Variants in ZNF286A observed in about 807,000 individuals in gnomAD.
The protein encoded by ZNF286A is zinc finger protein ZNF286.
ZNF286A carries 34 observed loss-of-function variants against 49.3 expected under a neutral mutation model. That is an observed-to-expected ratio of 0.69 (90% confidence interval 0.52 to 0.92). The LOEUF (loss-of-function observed/expected upper bound fraction) is 0.92, where lower values mean the gene tolerates loss of function less well. Ranked by LOEUF, ZNF286A falls within the 40% of genes least tolerant of loss-of-function variation. The pLI is 0.00. For synonymous variants in ZNF286A, 155 were observed against 200.4 expected (o/e 0.77, Z 1.91); for missense variants, 462 against 600.2 (o/e 0.77, Z 2.41).
At chr17:15,710,212 T>C (rs1348723193) in intron 5 of ZNF286A, among the ~76,000 whole-genome samples, 1 of 152,186 alleles carries the variant, frequency 6.6e-6, no homozygotes, top group Non-Finnish European at 1.5e-5. Context: ...TGAGAAGAAA[T>C]TGGTTCTTCT....
In ZNF286A at chr17:15,719,156, GAAAGA is replaced by G. The variant is rs1304294193; in HGVS notation, c.*1875_*1879del. Reference sequence around the variant, plus strand: ...CATTACTCAAAAAAAAAAAAAAAAAGAAAGAAAAGAAAACACAGGAAAAGGAACTC... The same window carrying G: ...CATTACTCAAAAAAAAAAAAAAAAAGAAAGAAAACACAGGAAAAGGAACTC... On this transcript the variant is annotated 3_prime_UTR_variant, in exon 6 of 6. Coordinates refer to ENST00000583566, the MANE Select transcript of ZNF286A (RefSeq NM_001130842.2). The G allele has an allele frequency of 1.6e-5, 2 of 128,944 alleles. No individual in the cohort carries two copies. Among genetic ancestry groups the G allele is most frequent in the Admixed American group, 1.5e-4 (2 of 13,364 alleles). The allele number at this position is 128,944 out of a possible 1,614,324, so 8.0% of individuals were successfully genotyped here. A position where few individuals can be genotyped will look rare whatever the true frequency, so the allele number is the denominator to read the frequency against.
rs374146237 is a variant in ZNF286A, at chr17:15,707,302, C to T, written c.241+801C>T. Among the ~76,000 whole-genome samples the T allele has an allele frequency of 7.4e-3, 1,118 of 151,812 alleles. 8 individuals carry two copies. The highest frequency in any genetic ancestry group is 0.026 in the African/African-American group (1,061 of 41,360). ...AAAAACACAAAAAATTAGCCGGGTG[C>T]GGTGGCGGGCGCCTGTAGTCCCAGC... On this transcript the variant is annotated intron_variant, in intron 4 of 5. Transcript: ENST00000583566.
At chr17:15,705,732 T>C (rs1990181720) in intron 3 of ZNF286A, among the ~76,000 whole-genome samples, 1 of 152,222 alleles carries the variant, frequency 6.6e-6, no homozygotes, top group Non-Finnish European at 1.5e-5. Flanking sequence ...TACTTAAAGG[T>C]GCATGTTCAA....
At chr17:15,714,962 C>T (rs1966952643) in intron 5 of ZNF286A, among the ~76,000 whole-genome samples, 2 of 151,996 alleles carry the variant, frequency 1.3e-5, no homozygotes, top group Admixed American at 1.3e-4. Flanking sequence ...ATACCACCTT[C>T]ATATTATCTT....
At chr17:15,714,212 G>C (rs1275160264) in intron 5 of ZNF286A, among the ~76,000 whole-genome samples, 7 of 149,404 alleles carry the variant, frequency 4.7e-5, no homozygotes, top group Non-Finnish European at 1.0e-4. Flanking sequence ...AAGAGTACAT[G>C]ATGGGGAAGA....
rs1967179642 is a variant in ZNF286A, at chr17:15,718,195, A to G, written c.*905A>G. On this transcript the variant is annotated 3_prime_UTR_variant, in exon 6 of 6. Transcript: ENST00000583566. ...CGTGATCTGCCTGCCTCGGCCTCCCAAAGTGCTGGGATTACAGGCATGAGC... is the reference window on the plus strand; with the variant it reads ...CGTGATCTGCCTGCCTCGGCCTCCCGAAGTGCTGGGATTACAGGCATGAGC... 6.6e-6 allele frequency: 1 copy of G among 151,880 alleles called. No individual in the cohort carries two copies. The highest frequency in any genetic ancestry group is 1.5e-5 in the Non-Finnish European group (1 of 68,038). 9.4% of individuals were successfully genotyped at this position (151,880 alleles called of 1,614,324 possible). A position where few individuals can be genotyped will look rare whatever the true frequency, so the allele number is the denominator to read the frequency against.
chr17:15,708,340 T>A (rs1325481591), intron 5 of ZNF286A, 93 bp downstream of exon 5: 1 of 966,476 alleles, frequency 1.0e-6, no homozygotes, highest in Non-Finnish European at 1.4e-6. Context: ...CTGTGTGCCC[T>A]TATTTTTAAA....
In ZNF286A at chr17:15,708,174, T is replaced by C. The variant is rs1990381539; in HGVS notation, c.261T>C (p.Pro87=). 3 of 1,593,200 alleles carry C rather than the reference T, an allele frequency of 1.9e-6. No homozygotes were observed. The Admixed American group carries it at 5.3e-5, about 28-fold the overall frequency. ...GAATAGGGCTTCCAGTTTCCAAACC[T>C]GAGAGCTACAACTTGGAGAATGGAA... ...LVSLWLPVSK[P]ESYNLENGKE... is the part of the protein sequence containing the mutation. Residue 87 remains proline (P), a synonymous_variant, in exon 5 of 6, where the codon CCT becomes CCC. Coordinates refer to ENST00000583566, the MANE Select transcript of ZNF286A (RefSeq NM_001130842.2).
chr17:15,713,130 C>T (rs1399478928), intron 5 of ZNF286A, among the ~76,000 whole-genome samples: 2 of 152,176 alleles, frequency 1.3e-5, no homozygotes, highest in African/African-American at 4.8e-5. Context: ...GTGGTCCACA[C>T]TTGTAATCCC....
intron 3 of ZNF286A, chr17:15,704,238 C>G (rs1311350211): frequency 6.3e-7 from 1 of 1,599,658 alleles, no homozygotes; most frequent in East Asian, 2.2e-5. Context: ...CCCACTACAG[C>G]CGCCGCAGCG....
intron 3 of ZNF286A, chr17:15,704,565 T>G (rs1990058233): frequency 6.2e-7 from 1 of 1,614,106 alleles, no homozygotes; most frequent in Non-Finnish European, 8.5e-7. Context: ...TGGTCAGCAG[T>G]ACGTGTCGGA....
chr17:15,714,983 A>G (rs537311067), intron 5 of ZNF286A, among the ~76,000 whole-genome samples: 372 of 152,056 alleles, frequency 2.4e-3, no homozygotes, highest in Non-Finnish European at 3.6e-3. Context: ...TAATTCTTAC[A>G]TATACTTTAT....
chr17:15,705,541 A>G (rs1428981958), intron 3 of ZNF286A, among the ~76,000 whole-genome samples: 1 of 152,092 alleles, frequency 6.6e-6, no homozygotes, highest in Non-Finnish European at 1.5e-5. Context: ...ATATTTTGAT[A>G]TATTTTCTCA....
chr17:15,701,456 C>T, intron 3 of ZNF286A: 3 of 420,138 alleles, frequency 7.1e-6, no homozygotes, highest in Non-Finnish European at 1.3e-5. Flanking sequence ...TTTATTGTCC[C>T]TCAACAGATA....
chr17:15,706,156 C>A (rs754162956), intron 3 of ZNF286A, among the ~76,000 whole-genome samples: 11 of 152,134 alleles, frequency 7.2e-5, no homozygotes, highest in Non-Finnish European at 1.5e-4. Flanking sequence ...AAACCAGGGT[C>A]ATCTTTTGGT....
intron 5 of ZNF286A, among the ~76,000 whole-genome samples, chr17:15,710,615 A>G (rs549420438): frequency 5.3e-5 from 8 of 152,260 alleles, no homozygotes; most frequent in Admixed American, 1.3e-4. Flanking sequence ...TTAGTATTAT[A>G]TATAGCTCAT....
intron 5 of ZNF286A, among the ~76,000 whole-genome samples, chr17:15,712,165 T>C (rs377634284): frequency 3.3e-5 from 5 of 152,172 alleles, no homozygotes; most frequent in South Asian, 2.1e-4. Context: ...AGCCACTGCG[T>C]CCAGCAATAA....
chr17:15,718,629 A>G lies in ZNF286A; in HGVS notation c.*1339A>G, dbSNP rs986115882. 3 of 151,442 alleles carry G rather than the reference A, an allele frequency of 2.0e-5. No homozygotes were observed. The highest frequency in any genetic ancestry group is 2.4e-5 in the African/African-American group (1 of 41,000). 9.4% of individuals were successfully genotyped at this position (151,442 alleles called of 1,614,324 possible). A position where few individuals can be genotyped will look rare whatever the true frequency, so the allele number is the denominator to read the frequency against. On this transcript the variant is annotated 3_prime_UTR_variant, in exon 6 of 6. Transcript: ENST00000583566. ...GAAAACAAGGCACGGAAAATAGCTC[A>G]CAGGATAGTCCTCAACTGACTTGCT... is the stretch of plus-strand genomic sequence containing the variant.
chr17:15,717,369 C>G lies in ZNF286A; in HGVS notation c.*79C>G. On this transcript the variant is annotated 3_prime_UTR_variant, in exon 6 of 6. Coordinates refer to ENST00000583566, the MANE Select transcript of ZNF286A (RefSeq NM_001130842.2). ...TTGAGTGTTTAGGTGGAAGGCGCAT[C>G]CATAATATGCATGTGAGGACCAATT... 7.1e-7 allele frequency: 1 copy of G among 1,406,054 alleles called. No individual in the cohort carries two copies. The highest frequency in any genetic ancestry group is 9.6e-7 in the Non-Finnish European group (1 of 1,044,486). The allele number at this position is 1,406,054 out of a possible 1,614,324, so 87.1% of individuals were successfully genotyped here.
Sources: allele counts gnomAD v4.1 joint callset (sites outside exome capture counted in the v4.1 genomes callset), GRCh38; gene constraint gnomAD v4.1.1; transcripts MANE v1.5; gene names NCBI Gene and HGNC (gene_info 2026-07-23, HGNC 2026-07-21).